PBRM1: variants seen among roughly 807,000 people sequenced by gnomAD.
PBRM1 encodes the protein polybromo 1.
A neutral mutation model predicts 194.5 loss-of-function variants in PBRM1; 27 were observed. That is an observed-to-expected ratio of 0.14 (90% CI 0.10 to 0.19). The LOEUF is 0.19. PBRM1 is among the 10% of genes least tolerant of loss of function. PBRM1 has a pLI of 1.00. For missense variants in PBRM1, 1,466 were observed against 2,077.2 expected (o/e 0.71, Z 5.72); for synonymous variants, 655 against 693.2 (o/e 0.94, Z 0.87).
rs1467676956 is a variant in PBRM1, at chr3:52,610,061, T to C, written c.1925-106A>G. On this transcript the variant is annotated intron_variant, in intron 15 of 29. Coordinates refer to ENST00000296302, the Ensembl canonical transcript of PBRM1. ...ACGATTCCAAGTAATTTGTAAAATCTAGCAATTAGCATGTCTATAGTGAAA... is the reference window on the plus strand; with the variant it reads ...ACGATTCCAAGTAATTTGTAAAATCCAGCAATTAGCATGTCTATAGTGAAA... 8 of 660,290 alleles carry C rather than the reference T, an allele frequency of 1.2e-5. No individual in the cohort carries two copies. The East Asian group carries it at 2.3e-4, about 19-fold the overall frequency. 40.9% of individuals were successfully genotyped at this position (660,290 alleles called of 1,614,324 possible).
chr3:52,603,188 T>C (rs1355697703), intron 17 of PBRM1, among the ~76,000 whole-genome samples: 1 of 152,244 alleles, frequency 6.6e-6, no homozygotes, highest in East Asian at 1.9e-4. Context: ...ATGGACTCAC[T>C]GTTGAGAATG....
intron 13 of PBRM1, among the ~76,000 whole-genome samples, chr3:52,617,850 T>C (rs1317831635): frequency 6.6e-6 from 1 of 152,242 alleles, no homozygotes; most frequent in Non-Finnish European, 1.5e-5. Flanking sequence ...TGAAATTATA[T>C]AGTCAACTGA....
chr3:52,593,856 A>G (rs1193174645), intron 17 of PBRM1, among the ~76,000 whole-genome samples: 1 of 151,978 alleles, frequency 6.6e-6, no homozygotes, highest in Non-Finnish European at 1.5e-5. Flanking sequence ...TGTGTGGTTG[A>G]TATTAGAGTA....
exon 15 of PBRM1, chr3:52,615,438 T>A: frequency 6.3e-7 from 1 of 1,596,950 alleles, no homozygotes; most frequent in Non-Finnish European, 8.6e-7. Context: ...TTCTCCAGGA[T>A]ATGTGCATCA....
intron 26 of PBRM1, 55 bp from the exon 29 acceptor site, chr3:52,554,934 A>T (rs991503131): frequency 1.3e-6 from 2 of 1,507,766 alleles, no homozygotes; most frequent in Non-Finnish European, 1.8e-6. Flanking sequence ...ACATGAGCTA[A>T]GTAATAACAA....
chr3:52,642,040 T>C (rs2153708215), exon 10 of PBRM1: 1 of 1,534,302 alleles, frequency 6.5e-7, no homozygotes, highest in South Asian at 1.1e-5. Flanking sequence ...TACTGCTCTT[T>C]TATTACTACA....
At chr3:52,653,727 T>C (rs34855540) in intron 5 of PBRM1, among the ~76,000 whole-genome samples, 5,958 of 151,956 alleles carry the variant, frequency 0.039, 203 homozygotes, top group Non-Finnish European at 0.059. Flanking sequence ...CTGGCCAATA[T>C]GGTGAAACCC....
chr3:52,640,504 C>G (rs2096031313), intron 10 of PBRM1, among the ~76,000 whole-genome samples: 1 of 151,894 alleles, frequency 6.6e-6, no homozygotes, highest in Non-Finnish European at 1.5e-5. Context: ...CTTCTGGGCT[C>G]AAGCAATCCT....
intron 27 of PBRM1, among the ~76,000 whole-genome samples, chr3:52,554,366 T>C (rs2081758759): frequency 6.6e-6 from 1 of 152,214 alleles, no homozygotes; most frequent in South Asian, 2.1e-4. Context: ...AACTAGCAAT[T>C]TGGGAAACTT....
chr3:52,643,710 G>A (rs1368363156), intron 8 of PBRM1, among the ~76,000 whole-genome samples: 5 of 152,126 alleles, frequency 3.3e-5, no homozygotes, highest in Non-Finnish European at 7.4e-5. Flanking sequence ...AGTGGCTCAC[G>A]CCTGTAATCC....
chr3:52,588,086 A>G (rs551629869), intron 18 of PBRM1, among the ~76,000 whole-genome samples: 2 of 152,076 alleles, frequency 1.3e-5, no homozygotes, highest in Non-Finnish European at 1.5e-5. Context: ...AATGAGGAGG[A>G]CAGGTGATGA....
intron 17 of PBRM1, among the ~76,000 whole-genome samples, chr3:52,596,968 A>G (rs2093613431): frequency 6.6e-6 from 1 of 152,154 alleles, no homozygotes; most frequent in South Asian, 2.1e-4. Context: ...AGAGCCCTTT[A>G]GCACACAGTG....
chr3:52,605,062 C>T (rs1223550397), intron 16 of PBRM1, among the ~76,000 whole-genome samples: 1 of 152,102 alleles, frequency 6.6e-6, no homozygotes, highest in Admixed American at 6.6e-5. Flanking sequence ...ATTACTGTTT[C>T]TAGTACCACT....
chr3:52,666,805 T>C (rs112842758), intron 3 of PBRM1, among the ~76,000 whole-genome samples: 1 of 149,754 alleles, frequency 6.7e-6, no homozygotes, highest in African/African-American at 2.5e-5. Context: ...GGTGGGAAGA[T>C]TGCTTGAGCC....
chr3:52,627,308 T>G, exon 13 of PBRM1: 3 of 1,613,176 alleles, frequency 1.9e-6, no homozygotes, highest in Non-Finnish European at 2.5e-6. Flanking sequence ...CAGAGGTGGC[T>G]GAAGAGATCA....
At chr3:52,632,288 A>T (rs2095643292) in intron 11 of PBRM1, among the ~76,000 whole-genome samples, 1 of 152,154 alleles carries the variant, frequency 6.6e-6, no homozygotes, top group Admixed American at 6.5e-5. Flanking sequence ...GCTTTCACAG[A>T]AGAGATTTTA....
chr3:52,648,553 A>AAAGTC, intron 6 of PBRM1, 111 bp from the exon 8 acceptor site: 1 of 584,396 alleles, frequency 1.7e-6, no homozygotes, highest in Non-Finnish European at 3.0e-6. Flanking sequence ...CCAAGACTTT[A>AAAGTC]TTGGAAAGTA....
At chr3:52,612,011 G>C (rs538926922) in intron 15 of PBRM1, among the ~76,000 whole-genome samples, 1 of 151,998 alleles carries the variant, frequency 6.6e-6, no homozygotes, top group South Asian at 2.1e-4. Context: ...TTTAATCCCA[G>C]CACTTTGGGA....
At chr3:52,641,630 C>T (rs983873527) in intron 10 of PBRM1, among the ~76,000 whole-genome samples, 18 of 151,918 alleles carry the variant, frequency 1.2e-4, no homozygotes, top group African/African-American at 4.1e-4. Flanking sequence ...AAGCTAAAGC[C>T]TGAAAATCTA....
Sources: allele counts gnomAD v4.1 joint callset (sites outside exome capture counted in the v4.1 genomes callset), GRCh38; gene constraint gnomAD v4.1.1; transcripts MANE v1.5; gene names NCBI Gene and HGNC (gene_info 2026-07-23, HGNC 2026-07-21).